The following STXBP5 variants were observed in gnomAD, a reference collection of about 807,000 sequenced individuals.
The protein encoded by STXBP5 is syntaxin binding protein 5, also known as syntaxin-binding protein 5.
In STXBP5, 50 loss-of-function variants were observed where a neutral mutation model predicts 152.4. That is an observed-to-expected ratio of 0.33 (90% CI 0.26 to 0.42). STXBP5 has a LOEUF of 0.42. STXBP5 is among the 10% of genes least tolerant of loss of function. STXBP5 has a pLI of 1.00. For missense variants in STXBP5, 1,167 were observed against 1,388.6 expected (o/e 0.84, Z 2.54); for synonymous variants, 492 against 494.7 (o/e 0.99, Z 0.07).
intron 9 of STXBP5, among the ~76,000 whole-genome samples, chr6:147,308,628 G>A (rs1261349004): frequency 6.6e-6 from 1 of 152,026 alleles, no homozygotes; most frequent in Non-Finnish European, 1.5e-5. Context: ...AGTGATAATT[G>A]CTATGGAAAA....
At chr6:147,334,071 G>T in intron 18 of STXBP5, 86 bp from the exon 19 acceptor site, 1 of 1,280,656 alleles carries the variant, frequency 7.8e-7, no homozygotes, top group Non-Finnish European at 1.1e-6. Flanking sequence ...TAAATGGACA[G>T]TAGTTAAATG....
intron 2 of STXBP5, among the ~76,000 whole-genome samples, chr6:147,234,879 T>C (rs1055152137): frequency 1.3e-5 from 2 of 152,040 alleles, no homozygotes; most frequent in African/African-American, 2.4e-5. Flanking sequence ...ATTTGTTTGC[T>C]GACTTCAGCA....
chr6:147,208,890 T>C lies in STXBP5; in HGVS notation c.248+2822T>C, dbSNP rs574239723. 2.0e-5 allele frequency among the ~76,000 whole-genome samples: 3 copies of C among 152,238 alleles called. 1 individual carries two copies. The East Asian group carries it at 5.8e-4, about 29-fold the overall frequency. ...AATCCTTTAATAATACATAACAAAT[T>C]ATGAGGCAAAATAAATTAAATGTAT... is the stretch of plus-strand genomic sequence containing the variant. On this transcript the variant is annotated intron_variant, in intron 2 of 27. Transcript: ENST00000321680.
chr6:147,241,210 C>G (rs1778523928), intron 4 of STXBP5, among the ~76,000 whole-genome samples: 1 of 152,128 alleles, frequency 6.6e-6, no homozygotes, highest in Non-Finnish European at 1.5e-5. Flanking sequence ...AACTCAATCT[C>G]CCCATTCATG....
Position 147,385,930 on chromosome 6 carries a change from AAATATACTAT to A in STXBP5, c.*1178_*1187del, listed in dbSNP as rs1161914798. On this transcript the variant is annotated 3_prime_UTR_variant, in exon 28 of 28. Transcript: ENST00000321680. ...ATGACCTACAAAATATTTTGTGTAGAAATATACTATAAATCTGTACATATCCTTTCAAGGT... is the reference window on the plus strand; with the variant it reads ...ATGACCTACAAAATATTTTGTGTAGAAAATCTGTACATATCCTTTCAAGGT... The A allele has an allele frequency of 6.6e-6, 1 of 152,122 alleles. No homozygotes were observed. Among genetic ancestry groups the A allele is most frequent in the African/African-American group, 2.4e-5 (1 of 41,454 alleles). 9.4% of individuals were successfully genotyped at this position (152,122 alleles called of 1,614,324 possible). A position where few individuals can be genotyped will look rare whatever the true frequency, so the allele number is the denominator to read the frequency against.
At chr6:147,235,789 T>G (rs1778241183) in intron 3 of STXBP5, among the ~76,000 whole-genome samples, 1 of 152,154 alleles carries the variant, frequency 6.6e-6, no homozygotes, top group Admixed American at 6.6e-5. Context: ...CTTAATTGCT[T>G]TAAGTAATTG....
chr6:147,307,739 G>A (rs1380060521), intron 9 of STXBP5, among the ~76,000 whole-genome samples: 2 of 152,160 alleles, frequency 1.3e-5, no homozygotes, highest in Admixed American at 1.3e-4. Flanking sequence ...ATTATGAAAA[G>A]GAAAATTACC....
chr6:147,306,187 C>T (rs1380180063), intron 9 of STXBP5, among the ~76,000 whole-genome samples: 4 of 152,192 alleles, frequency 2.6e-5, no homozygotes, highest in Non-Finnish European at 5.9e-5. Context: ...AGGCAGTGAT[C>T]AGCTCAGCTG....
Position 147,388,419 on chromosome 6 carries a change from C to T in STXBP5, c.*3664C>T, listed in dbSNP as rs1786439909. On this transcript the variant is annotated 3_prime_UTR_variant, in exon 28 of 28. Coordinates refer to ENST00000321680, the MANE Select transcript of STXBP5 (RefSeq NM_001127715.4). ...CATACAGTAACATGTTATATTTATA[C>T]ATACTGCTAGAAAATATACTTTTAG... The T allele has an allele frequency of 6.6e-6, 1 of 151,586 alleles. No homozygotes were observed. The highest frequency in any genetic ancestry group is 1.5e-5 in the Non-Finnish European group (1 of 67,668). The allele number at this position is 151,586 out of a possible 1,614,324, so 9.4% of individuals were successfully genotyped here.
chr6:147,359,182 A>G lies in STXBP5; in HGVS notation c.2404A>G (p.Thr802Ala). The G allele has an allele frequency of 6.2e-7, 1 of 1,614,036 alleles. No homozygotes were observed. The highest frequency in any genetic ancestry group is 8.5e-7 in the Non-Finnish European group (1 of 1,179,934). ...GATCTCCGCTCTTCATTTCTGTGAAACGTTTACTCGAAAGACGGACTCGTC... is the reference window on the plus strand; with the variant it reads ...GATCTCCGCTCTTCATTTCTGTGAAGCGTTTACTCGAAAGACGGACTCGTC... ...EAISALHFCE[T>A]FTRKTDSSPS... is the part of the protein sequence containing the mutation. Residue 802 changes from threonine (T) to alanine (A), a missense_variant, in exon 23 of 28, where the codon ACG becomes GCG. Coordinates refer to ENST00000321680, the MANE Select transcript of STXBP5 (RefSeq NM_001127715.4).
At chr6:147,374,003 A>G (rs919296034) in intron 26 of STXBP5, among the ~76,000 whole-genome samples, 161 bp downstream of exon 26, 4 of 152,168 alleles carry the variant, frequency 2.6e-5, no homozygotes, top group African/African-American at 7.2e-5. Context: ...CTGTTATTCT[A>G]TCCCAAATCA....
chr6:147,204,504 C>G lies in STXBP5; in HGVS notation c.-29C>G. On this transcript the variant is annotated 5_prime_UTR_variant, in exon 1 of 28. Coordinates refer to ENST00000321680, the MANE Select transcript of STXBP5 (RefSeq NM_001127715.4). This position sits in a 1 kb window ranked among gnomAD's most constrained non-coding sequence, Gnocchi z 4.3. ...CCGGGGACCCCCTGTGCCTCCCCTC[C>G]CGGGCTGCGGGGGAGCCCCTCCGAG... The G allele has an allele frequency of 6.2e-7, 1 of 1,608,244 alleles. No homozygotes were observed. The highest frequency in any genetic ancestry group is 2.3e-5 in the East Asian group (1 of 44,398).
At chr6:147,230,772 A>G (rs1777962341) in intron 2 of STXBP5, among the ~76,000 whole-genome samples, 1 of 151,800 alleles carries the variant, frequency 6.6e-6, no homozygotes, top group Non-Finnish European at 1.5e-5. Flanking sequence ...CAGCTTCTTT[A>G]CTAACTAGGT....
At chr6:147,317,451 C>T (rs796673529) in intron 16 of STXBP5, among the ~76,000 whole-genome samples, 1 of 152,112 alleles carries the variant, frequency 6.6e-6, no homozygotes, top group African/African-American at 2.4e-5. Context: ...CCCTAGGGGA[C>T]ATTTGGAGAT....
At chr6:147,258,368 C>T (rs79378281) in intron 4 of STXBP5, among the ~76,000 whole-genome samples, 5,385 of 152,210 alleles carry the variant, frequency 0.035, 147 homozygotes, top group Admixed American at 0.054. Flanking sequence ...AATAACGATA[C>T]CTTCTGTCTT....
At chr6:147,320,552 A>AGTGTGTGTGTGT (rs71552971) in intron 16 of STXBP5, among the ~76,000 whole-genome samples, 11 of 85,022 alleles carry the variant, frequency 1.3e-4, no homozygotes, top group Non-Finnish European at 1.9e-4. Flanking sequence ...TGCTAATTTG[A>AGTGTGTGTGTGT]GTGTGTGTGT....
At chr6:147,279,373 A>G (rs17076680) in intron 8 of STXBP5, among the ~76,000 whole-genome samples, 7,178 of 152,256 alleles carry the variant, frequency 0.047, 485 homozygotes, top group East Asian at 0.27. Context: ...TTGATAGTAT[A>G]TTCAAGATTG....
chr6:147,224,931 C>T (rs1272009221), intron 2 of STXBP5, among the ~76,000 whole-genome samples: 1 of 152,114 alleles, frequency 6.6e-6, no homozygotes, highest in Non-Finnish European at 1.5e-5. Flanking sequence ...TAAATCTCTT[C>T]AAGACTTAGG....
intron 6 of STXBP5, among the ~76,000 whole-genome samples, chr6:147,263,211 G>A (rs1304452475): frequency 6.6e-6 from 1 of 151,984 alleles, no homozygotes; most frequent in South Asian, 2.1e-4. Context: ...CATAATTATA[G>A]CATTGTTTTA....
Sources: gnomAD v4.1 joint callset for allele counts (sites outside exome capture counted in the v4.1 genomes callset) on GRCh38, gnomAD v4.1.1 for gene constraint, Gnocchi (gnomAD v3.1) non-coding constraint, MANE v1.5 for transcripts, NCBI Gene and HGNC (gene_info 2026-07-23, HGNC 2026-07-21) for gene names.